RAD23B: variants seen among roughly 807,000 people sequenced by gnomAD.
The protein encoded by RAD23B is lysine-specific demethylase RAD23B.
Under a neutral mutation model 49.1 loss-of-function variants are expected in RAD23B, and 5 were observed. The ratio of observed to expected loss-of-function variants is 0.10; its 90% CI spans 0.05 to 0.21. The LOEUF is 0.21. Among genes scored for constraint, RAD23B ranks in the 10% least tolerant of loss-of-function variants. The pLI is 1.00. For synonymous variants in RAD23B, 184 were observed against 165.4 expected, an observed-to-expected ratio of 1.11 and a Z score of -0.86; for missense variants, 356 against 486.7, an observed-to-expected ratio of 0.73 and a Z score of 2.53.
Position 107,318,911 on chromosome 9 carries a change from G to A in RAD23B, c.681+32G>A. On this transcript the variant is annotated intron_variant, in intron 6 of 9. Transcript: ENST00000358015. The surrounding 1 kb of genome is among the most constrained non-coding windows in gnomAD (Gnocchi z 4.3). ...AATATGTTTTACTTTACTCCATTCT[G>A]TTGTTTAAGATTAAAATCTCAAAGA... The A allele has an allele frequency of 6.4e-7, 1 of 1,574,244 alleles. No homozygotes were observed. Among genetic ancestry groups the A allele is most frequent in the Non-Finnish European group, 8.7e-7 (1 of 1,153,520 alleles).
intron 1 of RAD23B, among the ~76,000 whole-genome samples, chr9:107,289,113 TCCCTTCC>T (rs1833335503): frequency 1.1e-5 from 1 of 93,906 alleles, no homozygotes; most frequent in African/African-American, 4.0e-5. Context: ...CCTCCCTCCC[TCCCTTCC>T]CCCTTCCCTC....
At chr9:107,314,251 A>G (rs1230887854) in intron 5 of RAD23B, among the ~76,000 whole-genome samples, 1 of 152,200 alleles carries the variant, frequency 6.6e-6, no homozygotes, top group Non-Finnish European at 1.5e-5. Flanking sequence ...TCTTACATGC[A>G]TATATTATGT....
At chr9:107,321,896 A>T in intron 6 of RAD23B, 87 bp from the exon 7 acceptor site, 11 of 1,290,576 alleles carry the variant, frequency 8.5e-6, no homozygotes, top group Non-Finnish European at 1.1e-5. Flanking sequence ...ATCAAACAAG[A>T]TGTTAAATAG....
chr9:107,329,686 A>G lies in RAD23B; in HGVS notation c.*30A>G, dbSNP rs1827272429. 1 of 1,432,220 alleles carries G rather than the reference A, an allele frequency of 7.0e-7. No homozygotes were observed. The highest frequency in any genetic ancestry group is 9.8e-7 in the Non-Finnish European group (1 of 1,019,426). 88.7% of individuals were successfully genotyped at this position (1,432,220 alleles called of 1,614,324 possible). On this transcript the variant is annotated 3_prime_UTR_variant, in exon 10 of 10. Coordinates refer to ENST00000358015, the MANE Select transcript of RAD23B (RefSeq NM_002874.5). ...GACTTTTTTATATCTCACACTTCAC[A>G]CCAGTGCATTACACTAACTTGTTCA...
chr9:107,300,326 A>G, intron 2 of RAD23B, 104 bp downstream of exon 2: 1 of 1,280,260 alleles, frequency 7.8e-7, no homozygotes. Flanking sequence ...CAGAAAAATG[A>G]TTGTACAAAT....
chr9:107,315,488 A>T (rs748786510), intron 5 of RAD23B, among the ~76,000 whole-genome samples: 4 of 151,966 alleles, frequency 2.6e-5, no homozygotes, highest in African/African-American at 4.8e-5. Context: ...TTTCTTGGCC[A>T]GTCTCTCTCG....
chr9:107,294,856 G>A (rs1411272040), intron 1 of RAD23B, among the ~76,000 whole-genome samples: 1 of 152,174 alleles, frequency 6.6e-6, no homozygotes, highest in Non-Finnish European at 1.5e-5. Flanking sequence ...CACTTAAAGG[G>A]CTGGCCAGGG....
rs530691151 is a variant in RAD23B, at chr9:107,312,665, G to GT, written c.553+929dup. Among the ~76,000 whole-genome samples the GT allele has an allele frequency of 7.2e-5, 11 of 152,302 alleles. No individual in the cohort carries two copies. In the East Asian group the frequency reaches 2.1e-3, roughly 29 times the overall value. On this transcript the variant is annotated intron_variant, in intron 5 of 9. Coordinates refer to ENST00000358015, the MANE Select transcript of RAD23B (RefSeq NM_002874.5). ...AAACCACTCTGCTATCAAATACAGT[G>GT]TGAGTTAGTCTCTAGCCAGGAAAAC...
chr9:107,308,306 C>T (rs1213579779), intron 4 of RAD23B, among the ~76,000 whole-genome samples: 2 of 151,910 alleles, frequency 1.3e-5, no homozygotes, highest in African/African-American at 4.8e-5. Context: ...ACAACCTCCA[C>T]CTCCCGGGTT....
At chr9:107,301,957 C>G in intron 2 of RAD23B, 78 bp from the exon 3 acceptor site, 1 of 1,510,040 alleles carries the variant, frequency 6.6e-7, no homozygotes, top group South Asian at 1.2e-5. Flanking sequence ...ATTCATATTT[C>G]GAGTAGAAAG....
chr9:107,317,943 A>G (rs373559191), intron 5 of RAD23B, among the ~76,000 whole-genome samples: 26 of 152,200 alleles, frequency 1.7e-4, no homozygotes, highest in African/African-American at 6.3e-4. Flanking sequence ...AAGGTATCAA[A>G]GGGAAACTGT....
intron 4 of RAD23B, among the ~76,000 whole-genome samples, chr9:107,311,467 A>G (rs533984337): frequency 7.8e-4 from 119 of 152,130 alleles, no homozygotes; most frequent in Non-Finnish European, 1.5e-3. Flanking sequence ...CTCAGAATAG[A>G]AGGAGTACCA....
intron 5 of RAD23B, 108 bp downstream of exon 5, chr9:107,311,845 C>G (rs1370666533): frequency 3.7e-6 from 3 of 813,880 alleles, no homozygotes; most frequent in Non-Finnish European, 5.7e-6. Flanking sequence ...TGTTTATAAT[C>G]AAGCTGTAAG....
intron 4 of RAD23B, among the ~76,000 whole-genome samples, chr9:107,308,431 C>T (rs1587855993): frequency 6.6e-6 from 1 of 152,102 alleles, no homozygotes; most frequent in East Asian, 1.9e-4. Context: ...GTTAGCCAGG[C>T]TGGTCTCGAA....
chr9:107,286,895 A>AC (rs1219380920), intron 1 of RAD23B, among the ~76,000 whole-genome samples: 1 of 151,902 alleles, frequency 6.6e-6, no homozygotes, highest in Non-Finnish European at 1.5e-5. Flanking sequence ...ACACGGTGAA[A>AC]CCCCGTCTCT....
intron 1 of RAD23B, among the ~76,000 whole-genome samples, chr9:107,286,649 A>G (rs1833276913): frequency 6.6e-6 from 1 of 152,194 alleles, no homozygotes; most frequent in East Asian, 1.9e-4. Flanking sequence ...GACCATTGCT[A>G]GGAGATTTTC....
chr9:107,324,773 C>G (rs1767651749), intron 8 of RAD23B, 61 bp from the exon 9 acceptor site: 4 of 1,423,684 alleles, frequency 2.8e-6, no homozygotes, highest in Non-Finnish European at 2.8e-6. Context: ...TAGAATTTCT[C>G]TGTTCCTGCA....
chr9:107,308,419 A>G (rs774334906), intron 4 of RAD23B, among the ~76,000 whole-genome samples: 2 of 152,084 alleles, frequency 1.3e-5, no homozygotes, highest in Non-Finnish European at 2.9e-5. Flanking sequence ...GGGTTTCACC[A>G]TGTTAGCCAG....
rs1284649265 is a variant in RAD23B at position 107,283,708 on chromosome 9, G to A, written c.66+13G>A. The A allele has an allele frequency of 1.4e-6, 2 of 1,457,370 alleles. No individual in the cohort carries two copies. Among genetic ancestry groups the A allele is most frequent in the Admixed American group, 2.5e-5 (1 of 40,392 alleles). 90.3% of individuals were successfully genotyped at this position (1,457,370 alleles called of 1,614,324 possible). A position where few individuals can be genotyped will look rare whatever the true frequency, so the allele number is the denominator to read the frequency against. ...CCCCGAGGAGACGGTATGCGCGCGG[G>A]CCGGGGGCAGGGGCAGCCGCGTGCG... On this transcript the variant is annotated intron_variant, in intron 1 of 9. Transcript: ENST00000358015.
Sources: gnomAD v4.1 joint callset for allele counts (sites outside exome capture counted in the v4.1 genomes callset) on GRCh38, gnomAD v4.1.1 for gene constraint, Gnocchi (gnomAD v3.1) non-coding constraint, MANE v1.5 for transcripts, NCBI Gene and HGNC (gene_info 2026-07-23, HGNC 2026-07-21) for gene names.